Variants in CEP162 observed in about 807,000 individuals in gnomAD.
CEP162 encodes centrosomal protein of 162 kDa.
CEP162 carries 141 observed loss-of-function variants against 169.2 expected under a neutral mutation model. That is an observed-to-expected ratio of 0.83 (90% confidence interval 0.73 to 0.96). The LOEUF (loss-of-function observed/expected upper bound fraction) is 0.96. Among genes scored for constraint, CEP162 ranks in the 40% least tolerant of loss-of-function variants. The probability of loss-of-function intolerance (pLI) is 0.00; values close to 1 mark genes in which losing one functional copy is unlikely to be tolerated. For synonymous variants in CEP162, 540 were observed against 526.4 expected (o/e 1.03, Z -0.35); for missense variants, 1,600 against 1,587.2 (o/e 1.01, Z -0.14).
chr6:84,171,915 A>G (rs6910586), intron 16 of CEP162, among the ~76,000 whole-genome samples, 197 bp from the exon 17 acceptor site: 37,424 of 152,100 alleles, frequency 0.25, 10,626 homozygotes, highest in African/African-American at 0.7. Flanking sequence ...TTTCCATAAC[A>G]TTTAAAATGG....
intron 9 of CEP162, 68 bp from the exon 10 acceptor site, chr6:84,195,143 TATC>T: frequency 8.2e-7 from 1 of 1,224,810 alleles, no homozygotes; most frequent in Non-Finnish European, 1.1e-6. Flanking sequence ...AAAACACTAA[TATC>T]ATTCCTTAAC....
intron 7 of CEP162, 85 bp downstream of exon 7, chr6:84,203,896 A>G (rs568548617): frequency 4.4e-5 from 27 of 611,768 alleles, no homozygotes; most frequent in Non-Finnish European, 7.4e-5. Flanking sequence ...GAAGAACTCC[A>G]TTTTTTGAGC....
At chr6:84,226,041 G>GT (rs1390271945) in intron 2 of CEP162, among the ~76,000 whole-genome samples, 1 of 148,290 alleles carries the variant, frequency 6.7e-6, no homozygotes, top group Non-Finnish European at 1.5e-5. Flanking sequence ...AGGAGGAGTT[G>GT]TTTGTTTTTT....
intron 9 of CEP162, among the ~76,000 whole-genome samples, chr6:84,197,180 C>T (rs1222953184): frequency 4.6e-5 from 7 of 151,126 alleles, no homozygotes; most frequent in Admixed American, 2.0e-4. Context: ...AGAATAGATT[C>T]TAGGCTTTTA....
chr6:84,137,462 C>G (rs1034227687), intron 25 of CEP162, among the ~76,000 whole-genome samples: 3 of 151,884 alleles, frequency 2.0e-5, no homozygotes, highest in Non-Finnish European at 4.4e-5. Flanking sequence ...TATGAGTGGG[C>G]CACAATAGTC....
intron 3 of CEP162, among the ~76,000 whole-genome samples, chr6:84,219,418 T>A (rs73750551): frequency 6.6e-6 from 1 of 152,204 alleles, no homozygotes; most frequent in African/African-American, 2.4e-5. Context: ...TCAGGTTACA[T>A]GTGAGTATTT....
intron 26 of CEP162, among the ~76,000 whole-genome samples, chr6:84,126,003 G>C (rs2099508804): frequency 6.6e-6 from 1 of 151,992 alleles, no homozygotes; most frequent in Non-Finnish European, 1.5e-5. Flanking sequence ...TATTACTAGT[G>C]CTAGCTATAT....
intron 24 of CEP162, among the ~76,000 whole-genome samples, chr6:84,148,697 C>T (rs1164506901): frequency 6.6e-6 from 1 of 152,062 alleles, no homozygotes; most frequent in Non-Finnish European, 1.5e-5. Context: ...AATAATTACA[C>T]TTGGTGAGAT....
At chr6:84,205,826 G>A (rs1193344724) in intron 6 of CEP162, among the ~76,000 whole-genome samples, 3 of 150,772 alleles carry the variant, frequency 2.0e-5, no homozygotes, top group Admixed American at 2.0e-4. Flanking sequence ...ATACCCCACT[G>A]TCTCAGCCCA....
chr6:84,187,679 T>A (rs1411205664), intron 11 of CEP162, among the ~76,000 whole-genome samples: 2 of 152,186 alleles, frequency 1.3e-5, no homozygotes, highest in Non-Finnish European at 2.9e-5. Context: ...GGCAGGAAAC[T>A]GATAACTAGA....
rs767470511 is a variant in CEP162 at position 84,155,298 on chromosome 6, C to A, written c.2994G>T (p.Lys998Asn). Residue 998 changes from lysine (K) to asparagine (N), a missense_variant and splice_region_variant, in exon 22 of 27, where the codon AAG becomes AAT. By Grantham distance (94) the Lys-to-Asn change is moderately conservative (BLOSUM62 0). Coordinates refer to ENST00000403245, the MANE Select transcript of CEP162 (RefSeq NM_014895.4). ...ATCTCTGAGGCTACTTACCACTTAC[C>A]TTCATTTTCTGAAACTGTTGTTCCA... ...RTMEQQFQKM[K>N]IQYEQRLEQQ... 95 of 1,612,440 alleles carry A rather than the reference C, an allele frequency of 5.9e-5. No individual in the cohort carries two copies. Among genetic ancestry groups the A allele is most frequent in the Non-Finnish European group, 8.1e-5 (95 of 1,178,978 alleles).
chr6:84,175,322 G>A lies in CEP162; in HGVS notation c.1689C>T (p.Ile563=). Residue 563 remains isoleucine (I), a synonymous_variant, in exon 14 of 27, where the codon ATC becomes ATT. Coordinates refer to ENST00000403245, the MANE Select transcript of CEP162 (RefSeq NM_014895.4). ...KKEILSGTKL[I]KPAALDKPAH... ...CTGGTTTATCCAAAGCTGCAGGCTT[G>A]ATGAGTTTTGTTCCAGATAAGATTT... 2 of 1,544,560 alleles carry A rather than the reference G, an allele frequency of 1.3e-6. No homozygotes were observed. Among genetic ancestry groups the A allele is most frequent in the Non-Finnish European group, 1.7e-6 (2 of 1,143,736 alleles).
chr6:84,214,071 G>A (rs889795097), intron 5 of CEP162, among the ~76,000 whole-genome samples: 1 of 152,188 alleles, frequency 6.6e-6, no homozygotes, highest in South Asian at 2.1e-4. Context: ...AAGGTCAGGA[G>A]ATCGAGACCA....
At position 84,194,949 on chromosome 6, in the gene CEP162, C is replaced by T; in HGVS notation, c.962G>A (p.Ser321Asn). Residue 321 changes from serine to asparagine, a missense_variant, in exon 10 of 27, where the codon AGC (serine) becomes AAC (asparagine). Ser to Asn is a conservative substitution (Grantham distance 46). Transcript: ENST00000403245. ...TTCTTGAGGATGACCTTTCACTGAG[C>T]TCTTGATATCTTCCACTGTGTTACT... ...IESNTVEDIK[S>N]SVKGHPQENE... The T allele has an allele frequency of 6.2e-7, 1 of 1,613,540 alleles. No individual in the cohort carries two copies. The highest frequency in any genetic ancestry group is 8.5e-7 in the Non-Finnish European group (1 of 1,179,690).
At chr6:84,141,988 TG>T (rs1418210366) in intron 25 of CEP162, among the ~76,000 whole-genome samples, 1 of 152,214 alleles carries the variant, frequency 6.6e-6, no homozygotes, top group African/African-American at 2.4e-5. Flanking sequence ...CTCTCAGAGA[TG>T]TGAATCTCAC....
intron 25 of CEP162, among the ~76,000 whole-genome samples, chr6:84,130,980 C>A (rs1252329821): frequency 1.3e-5 from 2 of 152,158 alleles, no homozygotes; most frequent in Non-Finnish European, 2.9e-5. Context: ...CCTGCTTTCT[C>A]TTGTGGGCAT....
chr6:84,181,934 T>C lies in CEP162; in HGVS notation c.1663+3253A>G, dbSNP rs1348822216. Among the ~76,000 whole-genome samples, 4 of 152,150 alleles carry C rather than the reference T, an allele frequency of 2.6e-5. No homozygotes were observed. The South Asian group carries it at 6.2e-4, about 24-fold the overall frequency. On this transcript the variant is annotated intron_variant, in intron 13 of 26. Coordinates refer to ENST00000403245, the MANE Select transcript of CEP162 (RefSeq NM_014895.4). ...AAGTTAAGAAACAACACTACAGTTA[T>C]GGCAATCTTTGAGTGTTTTTCATAA... is the stretch of plus-strand genomic sequence containing the variant.
intron 18 of CEP162, among the ~76,000 whole-genome samples, chr6:84,163,607 T>C (rs985244379): frequency 2.6e-5 from 4 of 151,850 alleles, no homozygotes; most frequent in Non-Finnish European, 5.9e-5. Context: ...CTCTGGCCCC[T>C]ACAGTCTATT....
chr6:84,217,097 G>C (rs1018969428), intron 3 of CEP162, among the ~76,000 whole-genome samples: 39 of 152,020 alleles, frequency 2.6e-4, no homozygotes, highest in Non-Finnish European at 7.4e-5. Context: ...CTAACAGGAG[G>C]AGACAATCAA....
Sources: gnomAD v4.1 joint callset for allele counts (sites outside exome capture counted in the v4.1 genomes callset) on GRCh38, gnomAD v4.1.1 for gene constraint, MANE v1.5 for transcripts, NCBI Gene and HGNC (gene_info 2026-07-23, HGNC 2026-07-21) for gene names.